The following RTKN2 variants were observed in gnomAD, a reference collection of about 807,000 sequenced individuals.
The protein encoded by RTKN2 is rhotekin-2.
RTKN2 carries 69 observed loss-of-function variants against 71.5 expected under a neutral mutation model. The observed-to-expected ratio is 0.96, with a 90% CI of 0.79 to 1.18. RTKN2 has a LOEUF of 1.18. Among genes scored for constraint, RTKN2 ranks in the 50% most tolerant of loss-of-function variants. The probability of loss-of-function intolerance (pLI) is 0.00; values close to 1 mark genes in which losing one functional copy is unlikely to be tolerated. For missense variants in RTKN2, 724 were observed against 719.7 expected (o/e 1.01, Z -0.07); for synonymous variants, 236 against 236.5 (o/e 1.00, Z 0.02).
chr10:62,268,685 C>G lies in RTKN2; in HGVS notation c.-75G>C, dbSNP rs926993513. On this transcript the variant is annotated 5_prime_UTR_variant, in exon 1 of 12. Transcript: ENST00000373789. The stretch of plus-strand genomic sequence containing the variant: ...TGAAAAGCCCGCCCCTGGCAGGAGC[C>G]GCAGAGGACGCCAACCGCCCGGCCG... The G allele has an allele frequency of 2.8e-6, 4 of 1,441,368 alleles. No individual in the cohort carries two copies. Among genetic ancestry groups the G allele is most frequent in the Non-Finnish European group, 3.8e-6 (4 of 1,057,310 alleles). 89.3% of individuals were successfully genotyped at this position (1,441,368 alleles called of 1,614,324 possible).
At chr10:62,246,159 C>T (rs1186498452) in intron 2 of RTKN2, 102 bp from the exon 3 acceptor site, 79 of 679,914 alleles carry the variant, frequency 1.2e-4, no homozygotes, top group Non-Finnish European at 1.7e-4. Flanking sequence ...AATGCATATC[C>T]GTGAATAATA....
chr10:62,239,868 T>C, intron 4 of RTKN2, 103 bp from the exon 5 acceptor site: 2 of 666,156 alleles, frequency 3.0e-6, no homozygotes, highest in East Asian at 2.9e-5. Flanking sequence ...TAATAGATTC[T>C]TTTCATACAT....
intron 3 of RTKN2, among the ~76,000 whole-genome samples, chr10:62,243,028 G>A (rs567996084): frequency 3.2e-4 from 49 of 150,970 alleles, no homozygotes; most frequent in African/African-American, 1.0e-3. Flanking sequence ...ACATGTGCAC[G>A]ACGTGCAGGT....
chr10:62,235,214 G>A (rs181380474), intron 6 of RTKN2, among the ~76,000 whole-genome samples: 6 of 152,154 alleles, frequency 3.9e-5, no homozygotes, highest in South Asian at 4.2e-4. Context: ...TTTGGATTCC[G>A]ATTTGAACAA....
At position 62,195,830 on chromosome 10, in the gene RTKN2, T is replaced by C. The variant is rs1040685610; in HGVS notation, c.*2078A>G. The C allele has an allele frequency of 1.4e-5, 14 of 985,378 alleles. No individual in the cohort carries two copies. The highest frequency in any genetic ancestry group is 1.7e-5 in the African/African-American group (1 of 57,220). The allele number at this position is 985,378 out of a possible 1,614,324, so 61.0% of individuals were successfully genotyped here. A position where few individuals can be genotyped will look rare whatever the true frequency, so the allele number is the denominator to read the frequency against. On this transcript the variant is annotated 3_prime_UTR_variant, in exon 12 of 12. Transcript: ENST00000373789. ...TTTGGTGGGGAGGGGGTGGTGGTCC[T>C]TGCTCAGGCTTTTAAATGGTTCTAG...
chr10:62,202,146 T>C (rs934150116), intron 10 of RTKN2, among the ~76,000 whole-genome samples: 3 of 152,190 alleles, frequency 2.0e-5, no homozygotes, highest in African/African-American at 7.2e-5. Context: ...ATCCAGAACA[T>C]GGGTCACTCC....
In RTKN2 at chr10:62,226,834, G is replaced by A. The variant is rs1463679871; in HGVS notation, c.687-3502C>T. Among the ~76,000 whole-genome samples, 4 of 152,216 alleles carry A rather than the reference G, an allele frequency of 2.6e-5. No individual in the cohort carries two copies. The East Asian group carries it at 5.8e-4, about 22-fold the overall frequency. ...AAGTAGGCTGGGCATGGTGGCTCAC[G>A]CCTATAATGCCAGAACTTTGGGAGG... On this transcript the variant is annotated intron_variant, in intron 6 of 11. Coordinates refer to ENST00000373789, the MANE Select transcript of RTKN2 (RefSeq NM_145307.4).
chr10:62,213,384 A>G (rs1348841818), intron 9 of RTKN2, among the ~76,000 whole-genome samples: 4 of 152,138 alleles, frequency 2.6e-5, no homozygotes, highest in Non-Finnish European at 4.4e-5. Context: ...ATCGACCATA[A>G]AATATTCTAA....
intron 11 of RTKN2, among the ~76,000 whole-genome samples, chr10:62,199,293 T>C (rs554324227): frequency 1.3e-5 from 2 of 152,262 alleles, no homozygotes; most frequent in African/African-American, 4.8e-5. Context: ...AAATTTAAAA[T>C]TTTCCAAAGT....
intron 9 of RTKN2, among the ~76,000 whole-genome samples, chr10:62,205,486 A>T (rs925046309): frequency 3.9e-5 from 6 of 152,176 alleles, no homozygotes; most frequent in African/African-American, 1.4e-4. Flanking sequence ...CATAATATCT[A>T]GTGCTATCAG....
At position 62,195,944 on chromosome 10, in the gene RTKN2, A is replaced by G; in HGVS notation, c.*1964T>C. 1.0e-6 allele frequency: 1 copy of G among 985,206 alleles called. No individual in the cohort carries two copies. The highest frequency in any genetic ancestry group is 1.2e-6 in the Non-Finnish European group (1 of 829,798). 61.0% of individuals were successfully genotyped at this position (985,206 alleles called of 1,614,324 possible). On this transcript the variant is annotated 3_prime_UTR_variant, in exon 12 of 12. Coordinates refer to ENST00000373789, the MANE Select transcript of RTKN2 (RefSeq NM_145307.4). ...TGTATGAATACTTTCTTTTTCTTAT[A>G]CACCTTAAGTCCTTCCTGCTGTTAT...
At chr10:62,268,114 G>C (rs1292030496) in intron 1 of RTKN2, among the ~76,000 whole-genome samples, 1 of 152,192 alleles carries the variant, frequency 6.6e-6, no homozygotes, top group African/African-American at 2.4e-5. Flanking sequence ...CCCCCAACCA[G>C]TTCTGTGTTG....
intron 6 of RTKN2, among the ~76,000 whole-genome samples, chr10:62,224,345 T>C (rs113145381): frequency 7.0e-6 from 1 of 143,484 alleles, no homozygotes; most frequent in Non-Finnish European, 1.5e-5. Context: ...AAAGAAAAAA[T>C]TTAGATATAA....
chr10:62,220,658 GGTA>G (rs1841886210), intron 7 of RTKN2, among the ~76,000 whole-genome samples: 1 of 152,118 alleles, frequency 6.6e-6, no homozygotes, highest in Non-Finnish European at 1.5e-5. Context: ...GTTTCAAACA[GGTA>G]GGAGAGATTT....
In RTKN2 at chr10:62,237,879, A is replaced by G. The variant is rs892479488; in HGVS notation, c.489-1616T>C. Among the ~76,000 whole-genome samples, 55 of 151,720 alleles carry G rather than the reference A, an allele frequency of 3.6e-4. 3 individuals carry two copies. ...GTATTAGATATATATTTATCAAATA[A>G]ATACGCAAAATTCTGCAATTTTAGC... On this transcript the variant is annotated intron_variant, in intron 5 of 11. Transcript: ENST00000373789.
downstream of RTKN2, among the ~76,000 whole-genome samples, chr10:62,189,840 A>G (rs1429648206): frequency 2.1e-5 from 3 of 145,014 alleles, no homozygotes; most frequent in Non-Finnish European, 3.0e-5. Flanking sequence ...TAAAATAAAT[A>G]AATTCACCCA....
chr10:62,225,772 G>C (rs905849383), intron 6 of RTKN2, among the ~76,000 whole-genome samples: 9 of 149,804 alleles, frequency 6.0e-5, no homozygotes, highest in Non-Finnish European at 8.9e-5. Context: ...AGTAACAACT[G>C]TATTTTCTTT....
chr10:62,236,302 C>T (rs1412875297), intron 5 of RTKN2, 39 bp from the exon 6 acceptor site: 2 of 1,318,272 alleles, frequency 1.5e-6, no homozygotes, highest in East Asian at 4.7e-5. Context: ...AAATTTAACT[C>T]AGTAGAAAAT....
chr10:62,202,744 T>C (rs1439657292), intron 10 of RTKN2, among the ~76,000 whole-genome samples: 1 of 152,222 alleles, frequency 6.6e-6, no homozygotes, highest in East Asian at 1.9e-4. Flanking sequence ...GCATGATAAA[T>C]TATTTCACAT....
Sources: gnomAD v4.1 joint callset for allele counts (sites outside exome capture counted in the v4.1 genomes callset) on GRCh38, gnomAD v4.1.1 for gene constraint, MANE v1.5 for transcripts, NCBI Gene and HGNC (gene_info 2026-07-23, HGNC 2026-07-21) for gene names.